The following NUDT10 variants were observed in gnomAD, a reference collection of about 807,000 sequenced individuals.
NUDT10 encodes diphosphoinositol polyphosphate phosphohydrolase 3-alpha.
In NUDT10, 2 loss-of-function variants were observed where a neutral mutation model predicts 10.5. The ratio of observed to expected loss-of-function variants is 0.19; its 90% CI spans 0.08 to 0.60. NUDT10 has a LOEUF of 0.60. Ranked by LOEUF, NUDT10 falls within the 20% of genes least tolerant of loss-of-function variation. The probability of loss-of-function intolerance (pLI) is 0.89; values close to 1 mark genes in which losing one functional copy is unlikely to be tolerated. For synonymous variants in NUDT10, 53 were observed against 71.8 expected (o/e 0.74, Z 1.32); for missense variants, 75 against 149.5 (o/e 0.50, Z 2.60).
At chrX:51,332,561 C>T (rs1362305000), upstream of NUDT10, among the ~76,000 whole-genome samples, 2 of 113,222 alleles carry the variant, frequency 1.8e-5, no homozygotes, top group African/African-American at 6.4e-5. Context: ...CGCCCCTCAG[C>T]CCACGCCCTC....
intron 1 of NUDT10, among the ~76,000 whole-genome samples, chrX:51,335,057 C>T (rs1448301984): frequency 9.0e-6 from 1 of 110,803 alleles, no homozygotes; most frequent in Non-Finnish European, 1.9e-5. Flanking sequence ...CGGTGGCTCA[C>T]GCCTGTAATC....
At chrX:51,334,478 G>A (rs1189188553) in intron 1 of NUDT10, among the ~76,000 whole-genome samples, 1 of 112,413 alleles carries the variant, frequency 8.9e-6, no homozygotes, top group Non-Finnish European at 1.9e-5. Context: ...AGTAACCACA[G>A]GAATGGAATC....
At chrX:51,335,388 A>T (rs1177784885) in intron 1 of NUDT10, among the ~76,000 whole-genome samples, 2 of 109,794 alleles carry the variant, frequency 1.8e-5, no homozygotes, top group African/African-American at 6.6e-5. Context: ...TTCTTATTCT[A>T]AAAAAAATTT....
At chrX:51,332,770 G>A (rs1392722283), upstream of NUDT10, 24 of 612,828 alleles carry the variant, frequency 3.9e-5, no homozygotes, top group Non-Finnish European at 5.8e-5. Context: ...CCCCGCCTCC[G>A]CCCGTGCCCC....
Position 51,336,518 on chromosome X carries a change from G to A in NUDT10, c.*279G>A, listed in dbSNP as rs1318459867. ...CAGAGTATACGCCCTTGAATGCCAG[G>A]AACTTGTTTCCTTAGTCTTTTTTAT... On this transcript the variant is annotated 3_prime_UTR_variant, in exon 2 of 2. Coordinates refer to ENST00000356450, the MANE Select transcript of NUDT10 (RefSeq NM_001304963.2). 4.1e-6 allele frequency: 1 copy of A among 241,465 alleles called. No homozygotes were observed. Among genetic ancestry groups the A allele is most frequent in the Non-Finnish European group, 7.3e-6 (1 of 136,104 alleles). 19.9% of individuals were successfully genotyped at this position (241,465 alleles called of 1,213,427 possible). A position where few individuals can be genotyped will look rare whatever the true frequency, so the allele number is the denominator to read the frequency against.
Position 51,336,467 on chromosome X carries a change from T to C in NUDT10, c.*228T>C, listed in dbSNP as rs1315807936. The C allele has an allele frequency of 6.5e-6, 2 of 306,288 alleles. No homozygotes were observed. The highest frequency in any genetic ancestry group is 5.5e-5 in the African/African-American group (2 of 36,574). The allele number at this position is 306,288 out of a possible 1,213,427, so 25.2% of individuals were successfully genotyped here. A position where few individuals can be genotyped will look rare whatever the true frequency, so the allele number is the denominator to read the frequency against. On this transcript the variant is annotated 3_prime_UTR_variant, in exon 2 of 2. Coordinates refer to ENST00000356450, the MANE Select transcript of NUDT10 (RefSeq NM_001304963.2). Reference sequence around the variant, plus strand: ...AACTTGGCACCTGTGGCCTTTTTTGTGCTCTTATGTGTCTGTATTTCCCGG... The same window carrying C: ...AACTTGGCACCTGTGGCCTTTTTTGCGCTCTTATGTGTCTGTATTTCCCGG...
chrX:51,332,758 G>GC (rs1354360925), upstream of NUDT10: 16 of 535,449 alleles, frequency 3.0e-5, no homozygotes, highest in Non-Finnish European at 4.6e-5. Flanking sequence ...CGCCTCGCTT[G>GC]CCCCCGCCTC....
chrX:51,332,954 G>T lies in NUDT10; in HGVS notation c.-12G>T, dbSNP rs782401813. The T allele has an allele frequency of 5.0e-6, 6 of 1,210,170 alleles. No homozygotes were observed. Among genetic ancestry groups the T allele is most frequent in the Non-Finnish European group, 6.7e-6 (6 of 894,483 alleles). ...ACACAGCAGCGAGAGGCGAGAGGAG[G>T]CTGCCTCGAGGATGAAGTGCAAACC... is the stretch of plus-strand genomic sequence containing the variant. On this transcript the variant is annotated 5_prime_UTR_variant, in exon 1 of 2. Transcript: ENST00000356450.
intron 1 of NUDT10, among the ~76,000 whole-genome samples, chrX:51,333,778 T>TGGGGGGGGGG (rs1569552317): frequency 1.4e-3 from 3 of 2,189 alleles, no homozygotes; most frequent in African/African-American, 1.7e-3. Context: ...GGGCGAGGGG[T>TGGGGGGGGGG]GGGCGGGGAG....
At position 51,337,372 on chromosome X, in the gene NUDT10, G is replaced by A. The variant is rs782303043; in HGVS notation, c.*1133G>A. 1.8e-5 allele frequency: 2 copies of A among 111,754 alleles called. No individual in the cohort carries two copies. The highest frequency in any genetic ancestry group is 3.8e-5 in the Non-Finnish European group (2 of 53,186). The allele number at this position is 111,754 out of a possible 1,213,427, so 9.2% of individuals were successfully genotyped here. A position where few individuals can be genotyped will look rare whatever the true frequency, so the allele number is the denominator to read the frequency against. ...CTTGGAATTTGCTTCAAAATAATAAGTCTGGATGTTAAGTGCATTGGAAAT... is the reference window on the plus strand; with the variant it reads ...CTTGGAATTTGCTTCAAAATAATAAATCTGGATGTTAAGTGCATTGGAAAT... On this transcript the variant is annotated 3_prime_UTR_variant, in exon 2 of 2. Coordinates refer to ENST00000356450, the MANE Select transcript of NUDT10 (RefSeq NM_001304963.2).
At chrX:51,333,724 T>C (rs781974920) in intron 1 of NUDT10, among the ~76,000 whole-genome samples, 32 of 80,261 alleles carry the variant, frequency 4.0e-4, no homozygotes, top group Middle Eastern at 7.1e-3. Flanking sequence ...TTTTAGGTGC[T>C]GTAACTGTTC....
upstream of NUDT10, chrX:51,332,763 C>T (rs1432234391): frequency 5.2e-6 from 3 of 573,678 alleles, no homozygotes; most frequent in African/African-American, 2.3e-5. Context: ...CGCTTGCCCC[C>T]GCCTCCGCCC....
intron 1 of NUDT10, 98 bp downstream of exon 1, chrX:51,333,557 G>A: frequency 9.3e-7 from 1 of 1,073,842 alleles, no homozygotes; most frequent in East Asian, 3.2e-5. Context: ...GGTCTCATGG[G>A]CAGGAGGGAG....
chrX:51,333,088 C>T lies in NUDT10; in HGVS notation c.123C>T (p.Tyr41=), dbSNP rs1275046919. The T allele has an allele frequency of 2.2e-5, 27 of 1,207,895 alleles. No individual in the cohort carries two copies. In the African/African-American group the frequency reaches 2.5e-4, roughly 11 times the overall value. The change falls in exon 1 of 2, where the codon TAC becomes TAT. Residue 41 remains tyrosine, a synonymous_variant. Coordinates refer to ENST00000356450, the MANE Select transcript of NUDT10 (RefSeq NM_001304963.2). ...TCCTGTTAGTGAGTAGCAGCCGGTA[C>T]CCGGACCGCTGGATCGTGCCGGGCG... ...DEVLLVSSSR[Y]PDRWIVPGGG... is the part of the protein sequence containing the mutation.
chrX:51,335,305 CAAAAAAAAAA>C (rs35660767), intron 1 of NUDT10, among the ~76,000 whole-genome samples: 3 of 43,297 alleles, frequency 6.9e-5, no homozygotes, highest in Non-Finnish European at 1.2e-4. Flanking sequence ...GCGACCGTCT[CAAAAAAAAAA>C]AAAAAAAAAA....
chrX:51,332,737 GCTGA>G (rs1344387306), upstream of NUDT10: 40 of 459,194 alleles, frequency 8.7e-5, no homozygotes, highest in African/African-American at 7.6e-4. Context: ...TGGCGGACTG[GCTGA>G]CTGACACGCC....
Position 51,333,267 on chromosome X carries a change from C to G in NUDT10, c.302C>G (p.Thr101Arg). ...HRTYVYVLTV[T>R]ELLEDWEDSV... Reference sequence around the variant, plus strand: ...ACGTACGTGTATGTACTGACTGTCACGGAGCTGCTGGAGGATTGGGAAGAT... The same window carrying G: ...ACGTACGTGTATGTACTGACTGTCAGGGAGCTGCTGGAGGATTGGGAAGAT... Residue 101 changes from threonine to arginine, a missense_variant, in exon 1 of 2, where the codon ACG (threonine) becomes AGG (arginine). By Grantham distance (71) the Thr-to-Arg change is moderately conservative. Transcript: ENST00000356450. The G allele has an allele frequency of 8.3e-7, 1 of 1,211,292 alleles. No individual in the cohort carries two copies. Among genetic ancestry groups the G allele is most frequent in the Non-Finnish European group, 1.1e-6 (1 of 895,319 alleles).
chrX:51,337,360 T>C lies in NUDT10; in HGVS notation c.*1121T>C, dbSNP rs1922872382. ...TATGATATGATTCTTGGAATTTGCT[T>C]CAAAATAATAAGTCTGGATGTTAAG... On this transcript the variant is annotated 3_prime_UTR_variant, in exon 2 of 2. Coordinates refer to ENST00000356450, the MANE Select transcript of NUDT10 (RefSeq NM_001304963.2). 1 of 111,817 alleles carries C rather than the reference T, an allele frequency of 8.9e-6. No homozygotes were observed. Among genetic ancestry groups the C allele is most frequent in the African/African-American group, 3.3e-5 (1 of 30,759 alleles). The allele number at this position is 111,817 out of a possible 1,213,427, so 9.2% of individuals were successfully genotyped here. A position where few individuals can be genotyped will look rare whatever the true frequency, so the allele number is the denominator to read the frequency against.
chrX:51,335,305 CAAAAAAAA>C (rs35660767), intron 1 of NUDT10, among the ~76,000 whole-genome samples: 4 of 43,297 alleles, frequency 9.2e-5, no homozygotes, highest in Non-Finnish European at 1.2e-4. Context: ...GCGACCGTCT[CAAAAAAAA>C]AAAAAAAAAA....
Sources: allele counts gnomAD v4.1 joint callset (sites outside exome capture counted in the v4.1 genomes callset), GRCh38; gene constraint gnomAD v4.1.1; transcripts MANE v1.5; gene names NCBI Gene and HGNC (gene_info 2026-07-23, HGNC 2026-07-21).